ZRANB3: variants seen among roughly 807,000 people sequenced by gnomAD.
ZRANB3 encodes the protein zinc finger RANBP2-type containing 3.
ZRANB3 carries 125 observed loss-of-function variants against 133.8 expected under a neutral mutation model. The observed-to-expected ratio is 0.93, with a 90% CI of 0.81 to 1.08. The LOEUF is 1.08. ZRANB3 is among the 50% of genes least tolerant of loss of function. The pLI, the probability that ZRANB3 is intolerant of heterozygous loss-of-function variation, is 0.00. For missense variants in ZRANB3, 1,229 were observed against 1,275.5 expected (o/e 0.96, Z 0.56); for synonymous variants, 387 against 432.7 (o/e 0.89, Z 1.31).
At chr2:135,426,268 T>G (rs1352383212) in intron 2 of ZRANB3, among the ~76,000 whole-genome samples, 1 of 152,050 alleles carries the variant, frequency 6.6e-6, no homozygotes, top group African/African-American at 2.4e-5. Flanking sequence ...AAAGAAGAGC[T>G]GGCACTATTC....
intron 1 of ZRANB3, among the ~76,000 whole-genome samples, chr2:135,507,602 G>A (rs1430755242): frequency 6.6e-6 from 1 of 151,254 alleles, no homozygotes; most frequent in Non-Finnish European, 1.5e-5. Flanking sequence ...CTGGCAAGAA[G>A]TTAAGTAAAA....
At chr2:135,490,773 G>GAT (rs1180648538) in intron 2 of ZRANB3, among the ~76,000 whole-genome samples, 7 of 152,138 alleles carry the variant, frequency 4.6e-5, no homozygotes, top group African/African-American at 9.6e-5. Context: ...AAGAAAATGT[G>GAT]ATATATATAT....
chr2:135,524,093 CTT>C (rs555928972), intron 1 of ZRANB3, among the ~76,000 whole-genome samples: 1 of 148,488 alleles, frequency 6.7e-6, no homozygotes, highest in African/African-American at 2.5e-5. Flanking sequence ...ATTCTTTTTT[CTT>C]TTTTTTTTGA....
chr2:135,372,190 A>G (rs1686212633), intron 3 of ZRANB3, among the ~76,000 whole-genome samples: 2 of 151,270 alleles, frequency 1.3e-5, no homozygotes, highest in Non-Finnish European at 2.9e-5. Flanking sequence ...AAAGAGACAC[A>G]GAGAAACTTA....
intron 6 of ZRANB3, among the ~76,000 whole-genome samples, chr2:135,339,639 G>GT (rs1429433584): frequency 6.6e-6 from 1 of 152,160 alleles, no homozygotes; most frequent in Non-Finnish European, 1.5e-5. Context: ...ATGTAAGACA[G>GT]TTTGTTTCTT....
chr2:135,337,901 T>C (rs1684440024), intron 6 of ZRANB3, among the ~76,000 whole-genome samples: 1 of 152,184 alleles, frequency 6.6e-6, no homozygotes, highest in Non-Finnish European at 1.5e-5. Context: ...AATCCCTGTT[T>C]TGCTCATGAT....
intron 12 of ZRANB3, among the ~76,000 whole-genome samples, chr2:135,256,309 T>C (rs910039453): frequency 6.6e-6 from 1 of 152,102 alleles, no homozygotes; most frequent in East Asian, 1.9e-4. Flanking sequence ...GGTTCATCCA[T>C]GGTGTAGCAT....
chr2:135,221,490 G>A (rs894797076), intron 15 of ZRANB3, among the ~76,000 whole-genome samples: 1 of 152,084 alleles, frequency 6.6e-6, no homozygotes. Context: ...CCACCCCAAC[G>A]GGGATAAAAC....
intron 12 of ZRANB3, among the ~76,000 whole-genome samples, chr2:135,231,482 G>A (rs1695009567): frequency 6.6e-6 from 1 of 152,162 alleles, no homozygotes; most frequent in Non-Finnish European, 1.5e-5. Flanking sequence ...TAATTAGGCT[G>A]GGTGCGGTGG....
intron 8 of ZRANB3, among the ~76,000 whole-genome samples, chr2:135,289,993 G>A (rs1376348477): frequency 1.3e-5 from 2 of 152,198 alleles, no homozygotes; most frequent in Admixed American, 6.5e-5. Context: ...AATGTTCCAT[G>A]TGCTGATGAA....
At chr2:135,416,718 G>C (rs1414556259) in intron 2 of ZRANB3, among the ~76,000 whole-genome samples, 2 of 151,932 alleles carry the variant, frequency 1.3e-5, no homozygotes, top group East Asian at 1.9e-4. Flanking sequence ...ATACTACAAG[G>C]CTACAGTAAC....
intron 12 of ZRANB3, among the ~76,000 whole-genome samples, chr2:135,240,036 T>C (rs17328870): frequency 0.023 from 3,458 of 151,742 alleles, 106 homozygotes; most frequent in Middle Eastern, 0.083. Context: ...TGATGAAGTT[T>C]GGTGTTTTTT....
intron 5 of ZRANB3, among the ~76,000 whole-genome samples, chr2:135,347,676 C>T (rs1383560351): frequency 2.0e-5 from 3 of 152,154 alleles, no homozygotes; most frequent in Non-Finnish European, 4.4e-5. Context: ...AAAGTGACTT[C>T]AGTGCTTTAT....
chr2:135,471,463 T>C (rs779725511), intron 2 of ZRANB3, among the ~76,000 whole-genome samples: 18 of 152,232 alleles, frequency 1.2e-4, no homozygotes, highest in Non-Finnish European at 2.5e-4. Context: ...ACAAGCTCCT[T>C]GGCTTCCAAA....
chr2:135,438,465 A>G (rs908294296), intron 2 of ZRANB3, among the ~76,000 whole-genome samples: 2 of 149,762 alleles, frequency 1.3e-5, no homozygotes, highest in African/African-American at 4.9e-5. Context: ...AGTTTGCACC[A>G]TTGCACTCTA....
At chr2:135,415,850 CA>C (rs1688543775) in intron 2 of ZRANB3, among the ~76,000 whole-genome samples, 1 of 152,088 alleles carries the variant, frequency 6.6e-6, no homozygotes, top group Non-Finnish European at 1.5e-5. Context: ...GAACCAAAGA[CA>C]AAAACCACAT....
chr2:135,480,261 C>G (rs1464556836), intron 2 of ZRANB3, among the ~76,000 whole-genome samples: 1 of 152,002 alleles, frequency 6.6e-6, no homozygotes, highest in Admixed American at 6.6e-5. Context: ...CACTTAATTA[C>G]CCTTACCCTG....
intron 4 of ZRANB3, among the ~76,000 whole-genome samples, chr2:135,351,219 T>C (rs1685189746): frequency 6.6e-6 from 1 of 152,018 alleles, no homozygotes. Flanking sequence ...GGCTACTGCA[T>C]TTTAAGCCCT....
intron 2 of ZRANB3, among the ~76,000 whole-genome samples, chr2:135,432,677 T>G (rs545679853): frequency 6.6e-6 from 1 of 152,300 alleles, no homozygotes; most frequent in South Asian, 2.1e-4. Flanking sequence ...ATTCTTCCAT[T>G]CTTCCCCTCC....
Sources: gnomAD v4.1 joint callset for allele counts (sites outside exome capture counted in the v4.1 genomes callset) on GRCh38, gnomAD v4.1.1 for gene constraint, MANE v1.5 for transcripts, NCBI Gene and HGNC (gene_info 2026-07-23, HGNC 2026-07-21) for gene names.